Variants in L3MBTL4 observed in about 807,000 individuals in gnomAD.
L3MBTL4 encodes lethal(3)malignant brain tumor-like protein 4.
In L3MBTL4, 70 loss-of-function variants were observed where a neutral mutation model predicts 84.5. The ratio of observed to expected loss-of-function variants is 0.83; its 90% CI spans 0.68 to 1.01. The LOEUF is 1.01. Ranked by LOEUF, L3MBTL4 falls within the 50% of genes least tolerant of loss-of-function variation. The pLI is 0.00. For synonymous variants in L3MBTL4, 274 were observed against 259.8 expected, an observed-to-expected ratio of 1.05 and a Z score of -0.52; for missense variants, 715 against 754.8, an observed-to-expected ratio of 0.95 and a Z score of 0.62.
chr18:6,339,043 C>T (rs144999179), intron 1 of L3MBTL4, among the ~76,000 whole-genome samples: 2 of 152,190 alleles, frequency 1.3e-5, no homozygotes, highest in African/African-American at 4.8e-5. Flanking sequence ...AATGAACAAA[C>T]CCACAAATAT....
At chr18:6,021,116 A>G (rs1172031127) in intron 16 of L3MBTL4, among the ~76,000 whole-genome samples, 1 of 152,198 alleles carries the variant, frequency 6.6e-6, no homozygotes, top group Non-Finnish European at 1.5e-5. Flanking sequence ...ACCGGGCCCA[A>G]CGCTTTTCCA....
At chr18:5,958,423 C>T (rs1242463163) in intron 18 of L3MBTL4, among the ~76,000 whole-genome samples, 1 of 152,186 alleles carries the variant, frequency 6.6e-6, no homozygotes, top group Non-Finnish European at 1.5e-5. Flanking sequence ...CCTGACCTGG[C>T]TAAGCTCCAG....
chr18:6,242,688 A>C (rs2047501603), intron 7 of L3MBTL4, among the ~76,000 whole-genome samples: 1 of 152,242 alleles, frequency 6.6e-6, no homozygotes, highest in African/African-American at 2.4e-5. Flanking sequence ...GACAATGTAC[A>C]GAAGTTTGCT....
chr18:6,337,296 C>T (rs7242324), intron 1 of L3MBTL4, among the ~76,000 whole-genome samples: 31,147 of 151,938 alleles, frequency 0.2, 4,185 homozygotes, highest in African/African-American at 0.39. Context: ...ATTCCTAGAA[C>T]GGAAATGCAT....
At chr18:6,166,280 A>G (rs1335034542) in intron 13 of L3MBTL4, among the ~76,000 whole-genome samples, 7 of 152,198 alleles carry the variant, frequency 4.6e-5, no homozygotes. Context: ...TGAGACAGAA[A>G]GTTAACAAGG....
chr18:6,408,954 G>C (rs140606575), intron 1 of L3MBTL4, among the ~76,000 whole-genome samples: 3 of 152,126 alleles, frequency 2.0e-5, no homozygotes, highest in Non-Finnish European at 4.4e-5. Context: ...TGGGGTTACC[G>C]GGGTGAGCCA....
At chr18:6,235,770 A>G (rs2047192865) in intron 10 of L3MBTL4, among the ~76,000 whole-genome samples, 1 of 152,238 alleles carries the variant, frequency 6.6e-6, no homozygotes, top group Non-Finnish European at 1.5e-5. Flanking sequence ...TGGTGGTTGC[A>G]TAACATTGTG....
chr18:6,256,180 A>G (rs1312152125), intron 5 of L3MBTL4, among the ~76,000 whole-genome samples: 1 of 152,240 alleles, frequency 6.6e-6, no homozygotes, highest in African/African-American at 2.4e-5. Flanking sequence ...TCAGACTATC[A>G]AAAACAAAAT....
rs915087416 is a variant in L3MBTL4, at chr18:6,414,847, G to T, written c.-137C>A. The T allele has an allele frequency of 1.4e-4, 21 of 150,556 alleles. No homozygotes were observed. Among genetic ancestry groups the T allele is most frequent in the Non-Finnish European group, 2.7e-4 (18 of 67,530 alleles). The allele number at this position is 150,556 out of a possible 1,614,324, so 9.3% of individuals were successfully genotyped here. On this transcript the variant is annotated 5_prime_UTR_variant, in exon 1 of 19. Coordinates refer to ENST00000317931, the MANE Select transcript of L3MBTL4 (RefSeq NM_001330559.2). This position sits in a 1 kb window ranked among gnomAD's most constrained non-coding sequence, Gnocchi z 5.4. Reference sequence around the variant, plus strand: ...CCGCAACGCCGACCGAGCTACAGGCGGGGGGCGAGTCGGAGCGCGAGGTTC... The same window carrying T: ...CCGCAACGCCGACCGAGCTACAGGCTGGGGGCGAGTCGGAGCGCGAGGTTC...
intron 13 of L3MBTL4, among the ~76,000 whole-genome samples, chr18:6,166,491 G>A (rs2043664656): frequency 1.3e-5 from 2 of 152,142 alleles, no homozygotes; most frequent in Admixed American, 1.3e-4. Flanking sequence ...TCAGACCACA[G>A]TGCAATCAAA....
At chr18:6,092,136 T>C (rs984023052) in intron 15 of L3MBTL4, among the ~76,000 whole-genome samples, 1 of 152,142 alleles carries the variant, frequency 6.6e-6, no homozygotes, top group African/African-American at 2.4e-5. Flanking sequence ...AGGAAATAGA[T>C]CATGCAATAG....
intron 1 of L3MBTL4, among the ~76,000 whole-genome samples, chr18:6,331,326 C>G (rs978349514): frequency 1.3e-5 from 2 of 152,154 alleles, no homozygotes; most frequent in Non-Finnish European, 2.9e-5. Flanking sequence ...GAACAAGAAT[C>G]GCTGAGAGAT....
intron 13 of L3MBTL4, among the ~76,000 whole-genome samples, chr18:6,161,759 ACCC>A (rs1057052158): frequency 4.6e-5 from 7 of 151,980 alleles, no homozygotes; most frequent in African/African-American, 1.7e-4. Flanking sequence ...TCCTGGGCTC[ACCC>A]CACTGCATTC....
chr18:6,054,489 G>A (rs2056944938), intron 16 of L3MBTL4, among the ~76,000 whole-genome samples: 1 of 152,144 alleles, frequency 6.6e-6, no homozygotes, highest in Admixed American at 6.5e-5. Context: ...GCCAGTGAAT[G>A]GAACCACTTA....
intron 16 of L3MBTL4, among the ~76,000 whole-genome samples, chr18:6,021,996 A>G (rs1046508887): frequency 1.3e-5 from 2 of 152,098 alleles, no homozygotes; most frequent in African/African-American, 4.8e-5. Flanking sequence ...CACTCTCTCT[A>G]TTAATCCCAA....
At chr18:6,237,890 C>T in intron 10 of L3MBTL4, 74 bp downstream of exon 10, 1 of 1,148,268 alleles carries the variant, frequency 8.7e-7, no homozygotes, top group Non-Finnish European at 1.3e-6. Context: ...ATCTGGTCTT[C>T]ATAAACAAAA....
intron 16 of L3MBTL4, among the ~76,000 whole-genome samples, chr18:6,068,992 C>T (rs2057491567): frequency 6.6e-6 from 1 of 152,152 alleles, no homozygotes; most frequent in African/African-American, 2.4e-5. Context: ...GGTCTAGATA[C>T]CCAGTGGGAC....
At chr18:6,251,342 T>C (rs2047914679) in intron 5 of L3MBTL4, among the ~76,000 whole-genome samples, 1 of 152,182 alleles carries the variant, frequency 6.6e-6, no homozygotes, top group African/African-American at 2.4e-5. Context: ...GCCAGAAACC[T>C]AGAATGGTTA....
intron 1 of L3MBTL4, among the ~76,000 whole-genome samples, chr18:6,366,983 C>T (rs1249507135): frequency 1.3e-5 from 2 of 152,178 alleles, no homozygotes; most frequent in African/African-American, 2.4e-5. Flanking sequence ...CCTGACTCAC[C>T]GAACCCAAGC....
Sources: gnomAD v4.1 joint callset for allele counts (sites outside exome capture counted in the v4.1 genomes callset) on GRCh38, gnomAD v4.1.1 for gene constraint, Gnocchi (gnomAD v3.1) non-coding constraint, MANE v1.5 for transcripts, NCBI Gene and HGNC (gene_info 2026-07-23, HGNC 2026-07-21) for gene names.